Variants in DCDC2C observed in about 807,000 individuals in gnomAD.
DCDC2C encodes the protein doublecortin domain-containing protein 2C.
A neutral mutation model predicts 45.0 loss-of-function variants in DCDC2C; 44 were observed. That is an observed-to-expected ratio of 0.98 (90% CI 0.77 to 1.26). DCDC2C has a LOEUF of 1.26. Among genes scored for constraint, DCDC2C ranks in the 50% most tolerant of loss-of-function variants. DCDC2C has a pLI of 0.00. For missense variants in DCDC2C, 447 were observed against 468.9 expected (o/e 0.95, Z 0.43); for synonymous variants, 187 against 178.8 (o/e 1.05, Z -0.37).
At chr2:3,722,621 G>A (rs994141321) in intron 2 of DCDC2C, among the ~76,000 whole-genome samples, 1 of 152,220 alleles carries the variant, frequency 6.6e-6, no homozygotes, top group Admixed American at 6.5e-5. Context: ...ACTGATGTGA[G>A]TCTTTGGCTC....
intron 8 of DCDC2C, 38 bp downstream of exon 8, chr2:3,769,449 TC>T: frequency 6.6e-7 from 1 of 1,520,978 alleles, no homozygotes; most frequent in Non-Finnish European, 8.9e-7. Flanking sequence ...CCGTCTTCAC[TC>T]CATTCCATCA....
intron 1 of DCDC2C, among the ~76,000 whole-genome samples, chr2:3,704,735 G>A (rs1291196086): frequency 8.0e-6 from 1 of 125,362 alleles, no homozygotes; most frequent in Non-Finnish European, 1.7e-5. Context: ...GGGGGGAGGG[G>A]CGTGGGGGGC....
intron 4 of DCDC2C, among the ~76,000 whole-genome samples, chr2:3,748,525 A>G (rs1210114170): frequency 6.6e-6 from 1 of 151,946 alleles, no homozygotes; most frequent in African/African-American, 2.4e-5. Context: ...GGGAGTTAAG[A>G]ATTAATTTTT....
Position 3,837,621 on chromosome 2 carries a change from G to T in DCDC2C, c.1066-9533G>T, listed in dbSNP as rs2148242018. ...CTCATCTAAAGGGGAAGAAACTGAG[G>T]AAGAAATCAGCCTTTGGCTCCCCCT... On this transcript the variant is annotated intron_variant, in intron 10 of 10. Transcript: ENST00000399143. Among the ~76,000 whole-genome samples, 19 of 103,138 alleles carry T rather than the reference G, an allele frequency of 1.8e-4. 6 individuals carry two copies. Among genetic ancestry groups the T allele is most frequent in the Non-Finnish European group, 3.2e-4 (14 of 43,460 alleles). 67.7% of individuals were successfully genotyped at this position (103,138 alleles called of 152,430 possible). A position where few individuals can be genotyped will look rare whatever the true frequency, so the allele number is the denominator to read the frequency against.
chr2:3,752,350 A>G (rs1036138850), intron 4 of DCDC2C, among the ~76,000 whole-genome samples: 5 of 152,340 alleles, frequency 3.3e-5, no homozygotes, highest in Middle Eastern at 3.4e-3. Flanking sequence ...GTAGACTAAT[A>G]TTAGTCTTTT....
chr2:3,760,414 A>C (rs1669845378), intron 6 of DCDC2C, among the ~76,000 whole-genome samples: 1 of 152,194 alleles, frequency 6.6e-6, no homozygotes, highest in African/African-American at 2.4e-5. Context: ...CAATAGCAAG[A>C]CTTGGAACCA....
intron 6 of DCDC2C, among the ~76,000 whole-genome samples, chr2:3,756,020 G>A (rs1166125456): frequency 3.2e-4 from 48 of 151,998 alleles, no homozygotes; most frequent in Admixed American, 3.0e-3. Context: ...AGATGCACGT[G>A]TGTGTATGGA....
At chr2:3,764,042 C>T in intron 6 of DCDC2C, among the ~76,000 whole-genome samples, 1 of 152,178 alleles carries the variant, frequency 6.6e-6, no homozygotes, top group East Asian at 1.9e-4. Flanking sequence ...TGGTAGTTAA[C>T]ATGAGCAGAC....
chr2:3,799,522 A>G (rs1192893730), intron 10 of DCDC2C, among the ~76,000 whole-genome samples: 1 of 151,938 alleles, frequency 6.6e-6, no homozygotes, highest in Non-Finnish European at 1.5e-5. Context: ...GTCTTTGATG[A>G]TGGTGATGTA....
chr2:3,787,662 A>G (rs1376017373), intron 10 of DCDC2C, among the ~76,000 whole-genome samples: 1 of 152,234 alleles, frequency 6.6e-6, no homozygotes, highest in Non-Finnish European at 1.5e-5. Context: ...TAAACAATTT[A>G]TGTTGGTTGT....
chr2:3,711,185 GT>G (rs1465380535), intron 2 of DCDC2C, among the ~76,000 whole-genome samples: 4 of 152,248 alleles, frequency 2.6e-5, no homozygotes, highest in Admixed American at 2.6e-4. Flanking sequence ...CTTTTACACT[GT>G]TGGTGGGAGG....
intron 10 of DCDC2C, among the ~76,000 whole-genome samples, chr2:3,790,903 T>C (rs1230591789): frequency 6.6e-6 from 1 of 152,042 alleles, no homozygotes; most frequent in Non-Finnish European, 1.5e-5. Context: ...GGTCAGGAGA[T>C]CGAGACCATC....
intron 10 of DCDC2C, among the ~76,000 whole-genome samples, chr2:3,805,445 T>C (rs58232924): frequency 0.1 from 15,176 of 152,230 alleles, 1,031 homozygotes; most frequent in East Asian, 0.29. Context: ...GAGGTGGATG[T>C]TTCTGGAGAA....
In DCDC2C at chr2:3,703,917, G is replaced by T. The variant is rs114180540; in HGVS notation, c.166G>T (p.Val56Phe). The T allele has an allele frequency of 2.4e-3, 3,183 of 1,340,108 alleles. 55 individuals carry two copies. In the African/African-American group the frequency reaches 0.038, roughly 16 times the overall value. 83.0% of individuals were successfully genotyped at this position (1,340,108 alleles called of 1,614,324 possible). Residue 56 changes from valine to phenylalanine, a missense_variant, in exon 1 of 11, where the codon GTC becomes TTC. Val to Phe is a conservative substitution (Grantham distance 50). Coordinates refer to ENST00000399143, the MANE Select transcript of DCDC2C (RefSeq NM_001287444.2). This position sits in a 1 kb window ranked among gnomAD's most constrained non-coding sequence, Gnocchi z 4.4. ...LLEQLTEQVD[V>F]PFGVRRLFTP... Reference sequence around the variant, plus strand: ...GGAGCAGCTCACGGAGCAGGTGGACGTCCCGTTCGGCGTGCGCCGCCTCTT... The same window carrying T: ...GGAGCAGCTCACGGAGCAGGTGGACTTCCCGTTCGGCGTGCGCCGCCTCTT...
chr2:3,799,218 C>G (rs1655962551), intron 10 of DCDC2C, among the ~76,000 whole-genome samples: 2 of 152,160 alleles, frequency 1.3e-5, no homozygotes, highest in African/African-American at 2.4e-5. Context: ...TTTTTCAGCT[C>G]CATCAGCTCC....
rs114299468 is a variant in DCDC2C at position 3,835,540 on chromosome 2, G to A, written c.1066-11614G>A. On this transcript the variant is annotated intron_variant, in intron 10 of 10. Transcript: ENST00000399143. ...CCCGTGGAAATCTCTAGTTCCCTGC[G>A]GCATTTCTGTTCCGTATCTGTCTCT... Among the ~76,000 whole-genome samples the A allele has an allele frequency of 6.0e-3, 919 of 152,174 alleles. 2 individuals carry two copies. Among genetic ancestry groups the A allele is most frequent in the Non-Finnish European group, 0.011 (720 of 68,010 alleles).
At chr2:3,725,142 G>T (rs568349288) in intron 2 of DCDC2C, among the ~76,000 whole-genome samples, 3 of 152,144 alleles carry the variant, frequency 2.0e-5, no homozygotes, top group Non-Finnish European at 4.4e-5. Context: ...GAGTTTCCTG[G>T]GTGGGTGTGA....
chr2:3,822,837 C>G (rs1671726678), intron 10 of DCDC2C, among the ~76,000 whole-genome samples: 2 of 151,962 alleles, frequency 1.3e-5, no homozygotes, highest in Non-Finnish European at 2.9e-5. Context: ...GTAGCAGGGA[C>G]CTGGTGGGAG....
At chr2:3,837,617 T>G (rs758562832) in intron 10 of DCDC2C, among the ~76,000 whole-genome samples, 11 of 101,940 alleles carry the variant, frequency 1.1e-4, no homozygotes, top group Non-Finnish European at 1.6e-4. Flanking sequence ...GGGAAGAAAC[T>G]GAGGAAGAAA....
Sources: gnomAD v4.1 joint callset for allele counts (sites outside exome capture counted in the v4.1 genomes callset) on GRCh38, gnomAD v4.1.1 for gene constraint, Gnocchi (gnomAD v3.1) non-coding constraint, MANE v1.5 for transcripts, NCBI Gene and HGNC (gene_info 2026-07-23, HGNC 2026-07-21) for gene names.